The following MYH9 variants were observed in gnomAD, a reference collection of about 807,000 sequenced individuals.
The protein encoded by MYH9 is myosin-9.
MYH9 carries 29 observed loss-of-function variants against 241.9 expected under a neutral mutation model. The ratio of observed to expected loss-of-function variants is 0.12; its 90% CI spans 0.09 to 0.16. The LOEUF (loss-of-function observed/expected upper bound fraction) is 0.16. MYH9 is among the 10% of genes least tolerant of loss of function. The pLI, the probability that MYH9 is intolerant of heterozygous loss-of-function variation, is 1.00. For synonymous variants in MYH9, 1,047 were observed against 1,062.6 expected, an observed-to-expected ratio of 0.99 and a Z score of 0.29; for missense variants, 1,803 against 2,595.5, an observed-to-expected ratio of 0.69 and a Z score of 6.63.
At position 36,285,747 on chromosome 22, in the gene MYH9, C is replaced by A. The variant is rs140662138; in HGVS notation, c.5185G>T (p.Ala1729Ser). Residue 1729 changes from alanine to serine, a missense_variant, in exon 37 of 41, where the codon GCC (alanine) becomes TCC (serine). Transcript: ENST00000216181. This position sits in a 1 kb window ranked among gnomAD's most constrained non-coding sequence, Gnocchi z 7.0. ...TCCTCCTCCAGCTGGGCGATGCGGG[C>A]CTCCAGACGCCGCTTCTCCTCTAAC... Reference protein sequence around the residue: ...LALEEKRRLEARIAQLEEELE... With the variant: ...LALEEKRRLESRIAQLEEELE... The A allele has an allele frequency of 2.0e-5, 33 of 1,611,244 alleles. No individual in the cohort carries two copies. In the African/African-American group the frequency reaches 4.3e-4, roughly 21 times the overall value.
At chr22:36,328,528 T>C (rs968758651) in intron 3 of MYH9, among the ~76,000 whole-genome samples, 4 of 152,358 alleles carry the variant, frequency 2.6e-5, no homozygotes, top group Admixed American at 2.6e-4. Flanking sequence ...ATTCTGAGTC[T>C]CAGTTTCTAC....
chr22:36,357,528 C>T (rs1006895134), intron 1 of MYH9, among the ~76,000 whole-genome samples: 3 of 152,124 alleles, frequency 2.0e-5, no homozygotes, highest in African/African-American at 7.2e-5. Flanking sequence ...TTGTGACAAC[C>T]AAATACCTCT....
At chr22:36,331,174 G>T (rs1046085661) in intron 3 of MYH9, among the ~76,000 whole-genome samples, 1 of 152,028 alleles carries the variant, frequency 6.6e-6, no homozygotes, top group African/African-American at 2.4e-5. Flanking sequence ...GCAATGCCTG[G>T]CCCCTTGACC....
chr22:36,385,389 A>G (rs1013148284), intron 1 of MYH9, among the ~76,000 whole-genome samples: 3 of 152,160 alleles, frequency 2.0e-5, no homozygotes, highest in Non-Finnish European at 4.4e-5. Context: ...ATACCCTACC[A>G]GGCTACACAA....
At chr22:36,361,002 G>A (rs1223532379) in intron 1 of MYH9, among the ~76,000 whole-genome samples, 5 of 152,188 alleles carry the variant, frequency 3.3e-5, no homozygotes, top group African/African-American at 1.2e-4. Context: ...TGTCAGAGCA[G>A]TTATCTACAG....
rs1446580029 is a variant in MYH9 at position 36,285,700 on chromosome 22, G to A, written c.5232C>T (p.Asn1744=). ...TCAGCCGGTCGTTGATCAGCTCCGT[G>A]TTGCCCTGCTCCTCCTCCAGCTCCT... ...LEEELEEEQG[N]TELINDRLKK... is the part of the protein sequence containing the mutation. The change falls in exon 37 of 41, where the codon AAC becomes AAT. Residue 1744 remains asparagine (N), a synonymous_variant. Transcript: ENST00000216181. This position sits in a 1 kb window ranked among gnomAD's most constrained non-coding sequence, Gnocchi z 7.0. The A allele has an allele frequency of 1.2e-5, 20 of 1,613,136 alleles. No homozygotes were observed. The highest frequency in any genetic ancestry group is 1.5e-5 in the Non-Finnish European group (18 of 1,180,018).
intron 3 of MYH9, among the ~76,000 whole-genome samples, chr22:36,336,862 C>G (rs542336053): frequency 6.6e-6 from 1 of 152,336 alleles, no homozygotes; most frequent in South Asian, 2.1e-4. Flanking sequence ...AAACATGCCT[C>G]GTCTCTCCAC....
chr22:36,377,490 A>G (rs2018187145), intron 1 of MYH9, among the ~76,000 whole-genome samples: 1 of 152,194 alleles, frequency 6.6e-6, no homozygotes, highest in African/African-American at 2.4e-5. Context: ...AAAGGATGCA[A>G]AAGTTGCAGG....
intron 1 of MYH9, among the ~76,000 whole-genome samples, chr22:36,354,987 A>ACACACACACACACACT (rs1397558879): frequency 1.3e-5 from 2 of 151,632 alleles, no homozygotes. Context: ...ACACACACAC[A>ACACACACACACACACT]CACACACACA....
chr22:36,338,326 C>T (rs538388980), intron 3 of MYH9, among the ~76,000 whole-genome samples: 10 of 152,122 alleles, frequency 6.6e-5, no homozygotes, highest in African/African-American at 2.2e-4. Flanking sequence ...AGCCTAGAGA[C>T]GTCCTTCGTC....
chr22:36,332,354 A>G (rs1424883133), intron 3 of MYH9, among the ~76,000 whole-genome samples: 2 of 152,196 alleles, frequency 1.3e-5, no homozygotes, highest in Non-Finnish European at 2.9e-5. Flanking sequence ...AGTGGGGTGG[A>G]GCTTCCTGGC....
At chr22:36,303,946 G>A (rs1245000997) in intron 19 of MYH9, 49 bp downstream of exon 19, 1 of 1,607,748 alleles carries the variant, frequency 6.2e-7, no homozygotes, top group East Asian at 2.2e-5. Flanking sequence ...GCAACAGAAG[G>A]GCGTGGCAAG....
At chr22:36,335,442 C>T (rs772910405) in intron 3 of MYH9, among the ~76,000 whole-genome samples, 10 of 152,220 alleles carry the variant, frequency 6.6e-5, no homozygotes, top group Non-Finnish European at 1.5e-4. Flanking sequence ...TGGGTGCATT[C>T]CTGCTTCAGC....
rs562659475 is a variant in MYH9, at chr22:36,349,623, G to A, written c.-19-368C>T. ...TGCACACCTGTCATCCTAGCTACTC[G>A]GGAGGCTGAGGCAGGAGAATCGCTT... On this transcript the variant is annotated intron_variant, in intron 1 of 40. Transcript: ENST00000216181. Among the ~76,000 whole-genome samples the A allele has an allele frequency of 4.6e-5, 7 of 152,198 alleles. No individual in the cohort carries two copies. In the South Asian group the frequency reaches 1.0e-3, roughly 23 times the overall value.
intron 3 of MYH9, among the ~76,000 whole-genome samples, chr22:36,328,373 G>C (rs1037458369): frequency 6.6e-6 from 1 of 152,222 alleles, no homozygotes; most frequent in Non-Finnish European, 1.5e-5. Context: ...TCAGTACTGG[G>C]TATTCAAGCA....
At chr22:36,331,750 T>C (rs1437862308) in intron 3 of MYH9, among the ~76,000 whole-genome samples, 1 of 152,196 alleles carries the variant, frequency 6.6e-6, no homozygotes, top group Non-Finnish European at 1.5e-5. Context: ...GGTTCCAGCA[T>C]GGAGCAGCTC....
rs2016486511 is a variant in MYH9 at position 36,281,431 on chromosome 22, A to G, written c.*1237T>C. 1 of 228,878 alleles carries G rather than the reference A, an allele frequency of 4.4e-6. No homozygotes were observed. The highest frequency in any genetic ancestry group is 6.3e-5 in the East Asian group (1 of 15,976). The allele number at this position is 228,878 out of a possible 1,614,324, so 14.2% of individuals were successfully genotyped here. ...TTTCACTCACTCCTTTGTGACAGCAACTGGGACCTGAATTCAGAGCTTTGT... is the reference window on the plus strand; with the variant it reads ...TTTCACTCACTCCTTTGTGACAGCAGCTGGGACCTGAATTCAGAGCTTTGT... On this transcript the variant is annotated 3_prime_UTR_variant, in exon 41 of 41. Coordinates refer to ENST00000216181, the MANE Select transcript of MYH9 (RefSeq NM_002473.6).
Position 36,300,847 on chromosome 22 carries a change from G to A in MYH9, c.2838+4C>T. On this transcript the variant is annotated splice_donor_region_variant and intron_variant, in intron 22 of 40. Coordinates refer to ENST00000216181, the MANE Select transcript of MYH9 (RefSeq NM_002473.6). This position sits in a 1 kb window ranked among gnomAD's most constrained non-coding sequence, Gnocchi z 5.0. Reference sequence around the variant, plus strand: ...ACCCCTCCCCGGGTGCAGCGGGCAGGAACCTGGATGTTCTGCTGCATCTTC... The same window carrying A: ...ACCCCTCCCCGGGTGCAGCGGGCAGAAACCTGGATGTTCTGCTGCATCTTC... 1 of 1,600,404 alleles carries A rather than the reference G, an allele frequency of 6.2e-7. No homozygotes were observed. The highest frequency in any genetic ancestry group is 8.5e-7 in the Non-Finnish European group (1 of 1,179,948).
chr22:36,334,063 C>T (rs998254209), intron 3 of MYH9, among the ~76,000 whole-genome samples: 2 of 150,780 alleles, frequency 1.3e-5, no homozygotes, highest in Admixed American at 1.3e-4. Flanking sequence ...CAGAGCAAAG[C>T]ATGGTGGGCC....
Sources: gnomAD v4.1 joint callset for allele counts (sites outside exome capture counted in the v4.1 genomes callset) on GRCh38, gnomAD v4.1.1 for gene constraint, Gnocchi (gnomAD v3.1) non-coding constraint, MANE v1.5 for transcripts, NCBI Gene and HGNC (gene_info 2026-07-23, HGNC 2026-07-21) for gene names.